Variants in CHRM2 observed in about 807,000 individuals in gnomAD.
CHRM2 encodes muscarinic acetylcholine receptor M2.
In CHRM2, 8 loss-of-function variants were observed where a neutral mutation model predicts 25.0. That is an observed-to-expected ratio of 0.32 (90% CI 0.19 to 0.58). CHRM2 has a LOEUF of 0.58. CHRM2 is among the 20% of genes least tolerant of loss of function. The probability of loss-of-function intolerance (pLI) is 0.88; values close to 1 mark genes in which losing one functional copy is unlikely to be tolerated. For synonymous variants in CHRM2, 202 were observed against 205.7 expected, an observed-to-expected ratio of 0.98 and a Z score of 0.15; for missense variants, 440 against 567.1, an observed-to-expected ratio of 0.78 and a Z score of 2.28.
At chr7:136,916,095 T>C (rs1372623289) in intron 2 of CHRM2, among the ~76,000 whole-genome samples, 2 of 151,812 alleles carry the variant, frequency 1.3e-5, no homozygotes, top group African/African-American at 4.8e-5. Flanking sequence ...ATTCCCCACA[T>C]TTCAGCTGGA....
At chr7:136,895,823 T>C (rs1796873634) in intron 2 of CHRM2, among the ~76,000 whole-genome samples, 1 of 152,194 alleles carries the variant, frequency 6.6e-6, no homozygotes, top group African/African-American at 2.4e-5. Flanking sequence ...CTTCTAGGTA[T>C]GTAAAATTTG....
Position 137,015,852 on chromosome 7 carries a change from C to A in CHRM2, c.987C>A (p.Thr329=). Reference sequence around the variant, plus strand: ...AGCAAACATGCATCAGAATTGGCACCAAGACCCCAAAAAGTGACTCATGTA... The same window carrying A: ...AGCAAACATGCATCAGAATTGGCACAAAGACCCCAAAAAGTGACTCATGTA... ...NSKQTCIRIG[T]KTPKSDSCTP... The change falls in exon 4 of 4, where the codon ACC becomes ACA. Residue 329 remains threonine, a synonymous_variant. Coordinates refer to ENST00000680005, the MANE Select transcript of CHRM2 (RefSeq NM_001006630.2). The surrounding 1 kb of genome is among the most constrained non-coding windows in gnomAD (Gnocchi z 5.1). The A allele has an allele frequency of 8.1e-6, 13 of 1,612,906 alleles. No individual in the cohort carries two copies. The highest frequency in any genetic ancestry group is 1.1e-5 in the Non-Finnish European group (13 of 1,179,332).
chr7:137,009,678 C>A (rs1804677415), intron 3 of CHRM2, among the ~76,000 whole-genome samples: 1 of 151,912 alleles, frequency 6.6e-6, no homozygotes, highest in South Asian at 2.1e-4. Flanking sequence ...GAGTTGGGTG[C>A]CCTTGGTTTG....
At chr7:136,892,599 T>C (rs1796733973) in intron 2 of CHRM2, among the ~76,000 whole-genome samples, 1 of 151,948 alleles carries the variant, frequency 6.6e-6, no homozygotes, top group Admixed American at 6.6e-5. Context: ...CAAAGAAAGG[T>C]TACACATATT....
intron 2 of CHRM2, among the ~76,000 whole-genome samples, chr7:136,881,667 T>A (rs923459949): frequency 1.2e-4 from 18 of 152,050 alleles, no homozygotes; most frequent in Non-Finnish European, 5.9e-5. Flanking sequence ...TTGTAGTTTT[T>A]AACTGTCTTT....
intron 2 of CHRM2, among the ~76,000 whole-genome samples, chr7:136,984,076 T>C (rs996013168): frequency 2.0e-5 from 3 of 152,110 alleles, no homozygotes; most frequent in Non-Finnish European, 4.4e-5. Flanking sequence ...CCCAGGGATA[T>C]GGGAATTTTA....
chr7:136,924,149 AAAC>A (rs1167342281), intron 2 of CHRM2, among the ~76,000 whole-genome samples: 7 of 152,132 alleles, frequency 4.6e-5, no homozygotes, highest in Admixed American at 3.9e-4. Flanking sequence ...GTTTCCTAAG[AAAC>A]AACATGTGTG....
At chr7:136,978,809 C>T (rs767466336) in intron 2 of CHRM2, among the ~76,000 whole-genome samples, 1 of 152,094 alleles carries the variant, frequency 6.6e-6, no homozygotes, top group African/African-American at 2.4e-5. Flanking sequence ...CATAGTATTC[C>T]GTGGTGTATA....
intron 3 of CHRM2, among the ~76,000 whole-genome samples, chr7:137,003,292 CTTG>C (rs1321052545): frequency 6.6e-6 from 1 of 152,132 alleles, no homozygotes; most frequent in African/African-American, 2.4e-5. Flanking sequence ...TTACAGGAGT[CTTG>C]TTTTGTGAAT....
chr7:136,996,482 A>G (rs1803611783), intron 3 of CHRM2, among the ~76,000 whole-genome samples: 1 of 152,160 alleles, frequency 6.6e-6, no homozygotes, highest in Admixed American at 6.5e-5. Flanking sequence ...CTATAGGAAA[A>G]TATCATTCTC....
intron 2 of CHRM2, among the ~76,000 whole-genome samples, chr7:136,891,286 G>A (rs938639410): frequency 2.6e-5 from 4 of 152,158 alleles, no homozygotes; most frequent in African/African-American, 7.2e-5. Flanking sequence ...TAGTCGCCAT[G>A]TCTCTTTCCT....
intron 2 of CHRM2, among the ~76,000 whole-genome samples, chr7:136,923,190 G>A (rs1021022183): frequency 7.3e-5 from 11 of 151,018 alleles, no homozygotes; most frequent in African/African-American, 2.7e-4. Context: ...GCCACAAGGA[G>A]AGTACTACTA....
intron 2 of CHRM2, among the ~76,000 whole-genome samples, chr7:136,877,777 A>T (rs560838611): frequency 9.9e-5 from 15 of 152,032 alleles, no homozygotes; most frequent in Non-Finnish European, 2.1e-4. Context: ...ACCCTTAGTC[A>T]TGCTGATGAT....
rs183627558 is a variant in CHRM2 at position 136,906,273 on chromosome 7, A to T, written c.-125+36855A>T. Among the ~76,000 whole-genome samples the T allele has an allele frequency of 9.3e-4, 140 of 151,214 alleles. 1 individual carries two copies. Among genetic ancestry groups the T allele is most frequent in the African/African-American group, 3.3e-3 (135 of 41,362 alleles). On this transcript the variant is annotated intron_variant, in intron 2 of 3. Coordinates refer to ENST00000680005, the MANE Select transcript of CHRM2 (RefSeq NM_001006630.2). ...CATATATATGTGTGATTAAATAATT[A>T]AAAATATTGGAATAAAAACAAATGT...
At chr7:136,963,722 T>C (rs1801238735) in intron 2 of CHRM2, among the ~76,000 whole-genome samples, 1 of 152,098 alleles carries the variant, frequency 6.6e-6, no homozygotes, top group Non-Finnish European at 1.5e-5. Context: ...TTTAAAAAAA[T>C]GACGCCCAGG....
At chr7:136,875,441 C>T (rs932691652) in intron 2 of CHRM2, among the ~76,000 whole-genome samples, 1 of 152,192 alleles carries the variant, frequency 6.6e-6, no homozygotes, top group East Asian at 1.9e-4. Context: ...TCTGATCAGA[C>T]CCCAGGTTAA....
chr7:136,919,865 G>A (rs558162903), intron 2 of CHRM2, among the ~76,000 whole-genome samples: 1 of 152,150 alleles, frequency 6.6e-6, no homozygotes, highest in African/African-American at 2.4e-5. Flanking sequence ...GGGTTCTTAT[G>A]TATACTTCAG....
chr7:136,965,484 T>A (rs766994530), intron 2 of CHRM2, among the ~76,000 whole-genome samples: 1 of 152,058 alleles, frequency 6.6e-6, no homozygotes, highest in Non-Finnish European at 1.5e-5. Context: ...ATTTTGCATA[T>A]TAATTATTAC....
At chr7:136,882,107 T>C (rs1796288645) in intron 2 of CHRM2, among the ~76,000 whole-genome samples, 1 of 152,036 alleles carries the variant, frequency 6.6e-6, no homozygotes, top group Admixed American at 6.6e-5. Context: ...GTTTTCTCTA[T>C]CCTCTGCCTT....
Sources: gnomAD v4.1 joint callset for allele counts (sites outside exome capture counted in the v4.1 genomes callset) on GRCh38, gnomAD v4.1.1 for gene constraint, Gnocchi (gnomAD v3.1) non-coding constraint, MANE v1.5 for transcripts, NCBI Gene and HGNC (gene_info 2026-07-23, HGNC 2026-07-21) for gene names.